Variants in DGKI observed in about 807,000 individuals in gnomAD.
DGKI encodes the protein DAG kinase iota.
DGKI carries 55 observed loss-of-function variants against 147.5 expected under a neutral mutation model. The observed-to-expected ratio is 0.37, with a 90% confidence interval of 0.30 to 0.47. The LOEUF is 0.47. DGKI is among the 20% of genes least tolerant of loss of function. The pLI, the probability that DGKI is intolerant of heterozygous loss-of-function variation, is 1.00. For synonymous variants in DGKI, 469 were observed against 477.1 expected (o/e 0.98, Z 0.22); for missense variants, 1,007 against 1,323.8 (o/e 0.76, Z 3.71).
At chr7:137,800,037 G>A (rs1275381127) in intron 1 of DGKI, among the ~76,000 whole-genome samples, 2 of 152,208 alleles carry the variant, frequency 1.3e-5, no homozygotes, top group African/African-American at 4.8e-5. Context: ...GCAGGGATAG[G>A]AGGCATGGTT....
In DGKI at chr7:137,411,199, C is replaced by G. The variant is rs542242276; in HGVS notation, c.2799+971G>C. On this transcript the variant is annotated intron_variant, in intron 29 of 32. Transcript: ENST00000614521. Reference sequence around the variant, plus strand: ...AGGAGTCAGGCGTAGCCTCTGCCTTCAGGCAGCTGTCATTAATACAGAGCA... The same window carrying G: ...AGGAGTCAGGCGTAGCCTCTGCCTTGAGGCAGCTGTCATTAATACAGAGCA... Among the ~76,000 whole-genome samples, 3 of 152,342 alleles carry G rather than the reference C, an allele frequency of 2.0e-5. No individual in the cohort carries two copies. The South Asian group carries it at 6.2e-4, about 32-fold the overall frequency.
intron 3 of DGKI, among the ~76,000 whole-genome samples, chr7:137,674,166 A>G (rs910325892): frequency 5.9e-5 from 9 of 152,226 alleles, no homozygotes; most frequent in Non-Finnish European, 1.0e-4. Flanking sequence ...ACTGTTGCCA[A>G]TTTGGGAACA....
intron 20 of DGKI, among the ~76,000 whole-genome samples, chr7:137,546,698 T>C (rs1381079477): frequency 1.3e-5 from 2 of 152,188 alleles, no homozygotes; most frequent in East Asian, 3.9e-4. Context: ...AAACCCAAAA[T>C]GTTTTGTTGA....
intron 6 of DGKI, among the ~76,000 whole-genome samples, chr7:137,645,136 G>T (rs1821779328): frequency 6.6e-6 from 1 of 152,214 alleles, no homozygotes; most frequent in African/African-American, 2.4e-5. Context: ...CAAACCCATT[G>T]ATTTGCTGCG....
intron 28 of DGKI, among the ~76,000 whole-genome samples, chr7:137,427,952 A>G (rs1812891178): frequency 6.6e-6 from 1 of 151,278 alleles, no homozygotes; most frequent in Non-Finnish European, 1.5e-5. Flanking sequence ...ATGGATTCAC[A>G]GCCGAATTCT....
chr7:137,485,613 GAGA>G (rs141476281), intron 22 of DGKI, among the ~76,000 whole-genome samples, 195 bp from the exon 23 acceptor site: 2,761 of 152,142 alleles, frequency 0.018, 83 homozygotes, highest in African/African-American at 0.063. Flanking sequence ...GCTGGACTGA[GAGA>G]AGGTCATTAA....
intron 3 of DGKI, among the ~76,000 whole-genome samples, chr7:137,659,887 C>T (rs906820041): frequency 6.6e-5 from 10 of 152,162 alleles, no homozygotes; most frequent in Non-Finnish European, 1.3e-4. Context: ...GAGCCGAGAT[C>T]GCGCCACTGC....
At chr7:137,499,255 T>C (rs1463308395) in intron 21 of DGKI, among the ~76,000 whole-genome samples, 2 of 152,190 alleles carry the variant, frequency 1.3e-5, no homozygotes, top group African/African-American at 4.8e-5. Flanking sequence ...ACTTGTTCTA[T>C]TTCTTAGTCT....
chr7:137,456,175 T>G (rs1563029389), intron 27 of DGKI, among the ~76,000 whole-genome samples: 1 of 152,158 alleles, frequency 6.6e-6, no homozygotes, highest in African/African-American at 2.4e-5. Context: ...GCTTGTGAAA[T>G]ACCAACATTT....
At chr7:137,609,177 T>A in intron 9 of DGKI, 113 bp from the exon 10 acceptor site, 1 of 734,478 alleles carries the variant, frequency 1.4e-6, no homozygotes, top group South Asian at 1.9e-5. Context: ...CAGGGCTGAC[T>A]CTTAACACGA....
intron 28 of DGKI, among the ~76,000 whole-genome samples, chr7:137,436,386 T>A (rs1301924719): frequency 6.6e-6 from 1 of 152,086 alleles, no homozygotes; most frequent in African/African-American, 2.4e-5. Context: ...AATTATGAGG[T>A]CTTTATTTAA....
chr7:137,720,053 T>C (rs1794498774), intron 1 of DGKI, among the ~76,000 whole-genome samples: 1 of 152,146 alleles, frequency 6.6e-6, no homozygotes, highest in Non-Finnish European at 1.5e-5. Flanking sequence ...TGTATTCTTC[T>C]TGCTTATAGT....
At chr7:137,557,812 T>C (rs1468929809) in intron 19 of DGKI, among the ~76,000 whole-genome samples, 1 of 152,166 alleles carries the variant, frequency 6.6e-6, no homozygotes, top group African/African-American at 2.4e-5. Flanking sequence ...TTCTGCCGTA[T>C]GACCCTCCCA....
At chr7:137,438,079 G>A (rs990894540) in intron 28 of DGKI, among the ~76,000 whole-genome samples, 1 of 151,986 alleles carries the variant, frequency 6.6e-6, no homozygotes, top group Non-Finnish European at 1.5e-5. Context: ...TGATTTTACT[G>A]CAGTAAAATA....
intron 20 of DGKI, among the ~76,000 whole-genome samples, chr7:137,532,169 T>C (rs1242743434): frequency 6.6e-6 from 1 of 152,148 alleles, no homozygotes; most frequent in East Asian, 1.9e-4. Context: ...AACCCAATTA[T>C]GTATAGAAAG....
chr7:137,507,533 A>G (rs1276517793), intron 21 of DGKI, among the ~76,000 whole-genome samples: 1 of 152,222 alleles, frequency 6.6e-6, no homozygotes, highest in Non-Finnish European at 1.5e-5. Flanking sequence ...ATAATCTTGA[A>G]GAGCAACTCA....
At chr7:137,469,999 G>A (rs867196668) in intron 23 of DGKI, among the ~76,000 whole-genome samples, 36 of 152,162 alleles carry the variant, frequency 2.4e-4, no homozygotes, top group African/African-American at 8.7e-4. Context: ...GCACAGAATG[G>A]GAATGAATCA....
chr7:137,472,389 A>ATATAAT (rs1176715026), intron 23 of DGKI, among the ~76,000 whole-genome samples: 1,108 of 5,622 alleles, frequency 0.2, 30 homozygotes, highest in Non-Finnish European at 0.28. Context: ...GTATATATAC[A>ATATAAT]TATTATAATT....
At position 137,587,174 on chromosome 7, in the gene DGKI, G is replaced by C; in HGVS notation, c.1348C>G (p.Leu450Val). ...WILSILDELQ[L>V]SPQPPVGVLP... ...ACCCCCACAGGAGGCTGAGGGCTCA[G>C]CTGCAGTTCATCCAGGATGGAAAGG... is the stretch of plus-strand genomic sequence containing the variant. Residue 450 changes from leucine (L) to valine (V), a missense_variant, in exon 13 of 33, where the codon CTG (leucine) becomes GTG (valine). Physicochemically the swap from Leu to Val is conservative, Grantham distance 32 (BLOSUM62 1). Coordinates refer to ENST00000614521, the MANE Select transcript of DGKI (RefSeq NM_001321708.2). The C allele has an allele frequency of 6.2e-7, 1 of 1,613,290 alleles. No individual in the cohort carries two copies. The highest frequency in any genetic ancestry group is 8.5e-7 in the Non-Finnish European group (1 of 1,179,716).
Sources: allele counts gnomAD v4.1 joint callset (sites outside exome capture counted in the v4.1 genomes callset), GRCh38; gene constraint gnomAD v4.1.1; transcripts MANE v1.5; gene names NCBI Gene and HGNC (gene_info 2026-07-23, HGNC 2026-07-21).